Variants in GRIK2 observed in about 807,000 individuals in gnomAD.
GRIK2 encodes glutamate receptor ionotropic, kainate 2.
GRIK2 carries 32 observed loss-of-function variants against 100.3 expected under a neutral mutation model. The ratio of observed to expected loss-of-function variants is 0.32; its 90% CI spans 0.24 to 0.43. The LOEUF (loss-of-function observed/expected upper bound fraction) is 0.43, where lower values mean the gene tolerates loss of function less well. GRIK2 is among the 20% of genes least tolerant of loss of function. The pLI, the probability that GRIK2 is intolerant of heterozygous loss-of-function variation, is 1.00. For synonymous variants in GRIK2, 417 were observed against 389.4 expected, an observed-to-expected ratio of 1.07 and a Z score of -0.83; for missense variants, 843 against 1,114.9, an observed-to-expected ratio of 0.76 and a Z score of 3.47.
chr6:101,908,747 T>C (rs2128464536), intron 12 of GRIK2, among the ~76,000 whole-genome samples: 1 of 150,936 alleles, frequency 6.6e-6, no homozygotes, highest in Admixed American at 6.6e-5. Context: ...AATATTTCTA[T>C]GAAAAGACAG....
At chr6:101,937,559 C>T (rs1790692143) in intron 14 of GRIK2, among the ~76,000 whole-genome samples, 1 of 151,956 alleles carries the variant, frequency 6.6e-6, no homozygotes, top group Admixed American at 6.6e-5. Flanking sequence ...CCAAAAATAC[C>T]TTGACATTCT....
At chr6:101,882,954 G>T (rs1321219597) in intron 11 of GRIK2, among the ~76,000 whole-genome samples, 1 of 151,870 alleles carries the variant, frequency 6.6e-6, no homozygotes, top group East Asian at 1.9e-4. Flanking sequence ...AGCAGTTATT[G>T]ACTATTATTT....
At chr6:101,495,755 T>C (rs1005051816) in intron 2 of GRIK2, among the ~76,000 whole-genome samples, 3 of 152,120 alleles carry the variant, frequency 2.0e-5, no homozygotes, top group Admixed American at 6.6e-5. Context: ...ACAGGGTATA[T>C]TGGAGATGTG....
At chr6:101,600,929 C>A (rs143883990) in intron 2 of GRIK2, among the ~76,000 whole-genome samples, 96 of 151,776 alleles carry the variant, frequency 6.3e-4, no homozygotes, top group African/African-American at 2.2e-3. Context: ...CTGGCTAGGA[C>A]TTCCACTACT....
chr6:101,506,143 G>A (rs945774942), intron 2 of GRIK2, among the ~76,000 whole-genome samples: 1 of 152,118 alleles, frequency 6.6e-6, no homozygotes, highest in Non-Finnish European at 1.5e-5. Flanking sequence ...CATTTGCAAA[G>A]CTGGGGTCTA....
At chr6:101,696,588 G>A (rs566809803) in intron 7 of GRIK2, among the ~76,000 whole-genome samples, 3 of 152,012 alleles carry the variant, frequency 2.0e-5, no homozygotes, top group South Asian at 2.1e-4. Context: ...AGCTACCAGC[G>A]AATGTTACTA....
At chr6:101,738,836 TGA>T (rs1775846381) in intron 7 of GRIK2, among the ~76,000 whole-genome samples, 1 of 152,162 alleles carries the variant, frequency 6.6e-6, no homozygotes, top group Non-Finnish European at 1.5e-5. Flanking sequence ...AACCACAGTT[TGA>T]GAGAGAAGAA....
rs149982825 is a variant in GRIK2, at chr6:101,577,162, C to CAA, written c.116-44778_116-44777dup. ...GGTTACAGTTAGTTGCATATGGATACAAAAAAAAAACAACAACATCAGGCT... is the reference window on the plus strand; with the variant it reads ...GGTTACAGTTAGTTGCATATGGATACAAAAAAAAAAAACAACAACATCAGGCT... On this transcript the variant is annotated intron_variant, in intron 2 of 16. Coordinates refer to ENST00000369134, the MANE Select transcript of GRIK2 (RefSeq NM_021956.5). Among the ~76,000 whole-genome samples the CAA allele has an allele frequency of 1.2e-3, 169 of 143,858 alleles. 1 individual carries two copies. Among genetic ancestry groups the CAA allele is most frequent in the African/African-American group, 3.2e-3 (129 of 39,726 alleles). The allele number at this position is 143,858 out of a possible 152,430, so 94.4% of individuals were successfully genotyped here.
chr6:102,018,886 C>A (rs1446466874), intron 14 of GRIK2, among the ~76,000 whole-genome samples: 1 of 152,048 alleles, frequency 6.6e-6, no homozygotes, highest in Admixed American at 6.6e-5. Flanking sequence ...AGTAAGAATG[C>A]AGCTTGTTTT....
chr6:101,949,509 A>G (rs1791481887), intron 14 of GRIK2, among the ~76,000 whole-genome samples: 1 of 151,944 alleles, frequency 6.6e-6, no homozygotes, highest in Non-Finnish European at 1.5e-5. Context: ...TCCTTCCCCT[A>G]GTCCCCCATC....
intron 16 of GRIK2, among the ~76,000 whole-genome samples, chr6:102,068,069 TTTTA>T (rs1455892723): frequency 6.6e-6 from 1 of 151,876 alleles, no homozygotes; most frequent in Non-Finnish European, 1.5e-5. Flanking sequence ...CATAGGAAAA[TTTTA>T]TTTAATATAT....
At chr6:101,852,590 C>T (rs540632270) in intron 10 of GRIK2, among the ~76,000 whole-genome samples, 1 of 152,234 alleles carries the variant, frequency 6.6e-6, no homozygotes, top group African/African-American at 2.4e-5. Context: ...AATTAAGTAA[C>T]CATTTTGCCG....
chr6:101,801,984 G>T (rs532411423), intron 8 of GRIK2, among the ~76,000 whole-genome samples: 43 of 151,830 alleles, frequency 2.8e-4, no homozygotes, highest in African/African-American at 9.6e-4. Flanking sequence ...GTATTTGCCA[G>T]TGAGATATTT....
chr6:101,537,290 CT>C (rs1775748373), intron 2 of GRIK2, among the ~76,000 whole-genome samples: 1 of 151,884 alleles, frequency 6.6e-6, no homozygotes, highest in South Asian at 2.1e-4. Flanking sequence ...ACTGAAACAA[CT>C]TTATTTTGCT....
intron 4 of GRIK2, among the ~76,000 whole-genome samples, chr6:101,627,492 G>C (rs1037194175): frequency 6.6e-6 from 1 of 152,130 alleles, no homozygotes; most frequent in East Asian, 1.9e-4. Flanking sequence ...TGCTAGGGTA[G>C]TTTCTCAAGG....
chr6:101,783,414 G>A (rs991321912), intron 7 of GRIK2, among the ~76,000 whole-genome samples: 12 of 152,162 alleles, frequency 7.9e-5, no homozygotes, highest in East Asian at 1.9e-4. Context: ...CCAGTCATGC[G>A]GAACTGTGAG....
At chr6:101,899,368 A>T (rs1009590523) in intron 12 of GRIK2, among the ~76,000 whole-genome samples, 9 of 151,906 alleles carry the variant, frequency 5.9e-5, no homozygotes, top group African/African-American at 2.2e-4. Flanking sequence ...TTTTGTTTGG[A>T]AGCCCAGAAA....
intron 4 of GRIK2, among the ~76,000 whole-genome samples, chr6:101,657,566 A>T (rs558938951): frequency 2.0e-4 from 31 of 152,288 alleles, no homozygotes; most frequent in African/African-American, 7.5e-4. Flanking sequence ...GTATAACTCA[A>T]GAAAGCAATG....
intron 2 of GRIK2, among the ~76,000 whole-genome samples, chr6:101,517,082 G>C (rs1761176310): frequency 6.6e-6 from 1 of 152,086 alleles, no homozygotes; most frequent in Non-Finnish European, 1.5e-5. Flanking sequence ...TTAAATTAAG[G>C]TACTTATCTT....
Sources: allele counts gnomAD v4.1 joint callset (sites outside exome capture counted in the v4.1 genomes callset), GRCh38; gene constraint gnomAD v4.1.1; transcripts MANE v1.5; gene names NCBI Gene and HGNC (gene_info 2026-07-23, HGNC 2026-07-21).